Variants in SENP5 observed in about 807,000 individuals in gnomAD.
SENP5 encodes the protein SUMO specific peptidase 5, also known as sentrin-specific protease 5.
In SENP5, 21 loss-of-function variants were observed where a neutral mutation model predicts 74.2. That is an observed-to-expected ratio of 0.28 (90% CI 0.20 to 0.41). The LOEUF (loss-of-function observed/expected upper bound fraction) is 0.41. SENP5 is among the 10% of genes least tolerant of loss of function. The pLI, the probability that SENP5 is intolerant of heterozygous loss-of-function variation, is 1.00. For synonymous variants in SENP5, 311 were observed against 312.7 expected (o/e 0.99, Z 0.06); for missense variants, 717 against 889.1 (o/e 0.81, Z 2.46).
In SENP5 at chr3:196,933,013, G is replaced by GTTTTGTTTTTTTT. The variant is rs1716096218; in HGVS notation, c.*2094_*2095insGTTTTTTTTTTTT. ...GGCTTAGACTAAATGTTGAGTTTGG[G>GTTTTGTTTTTTTT]TTTTTTGTTTTTTTTTTTTTTTGAG... is the stretch of plus-strand genomic sequence containing the variant. On this transcript the variant is annotated 3_prime_UTR_variant, in exon 10 of 10. Transcript: ENST00000323460. 1 of 112,182 alleles carries GTTTTGTTTTTTTT rather than the reference G, an allele frequency of 8.9e-6. No homozygotes were observed. Among genetic ancestry groups the GTTTTGTTTTTTTT allele is most frequent in the African/African-American group, 3.6e-5 (1 of 28,138 alleles). The allele number at this position is 112,182 out of a possible 1,614,324, so 6.9% of individuals were successfully genotyped here.
chr3:196,899,095 A>C (rs1157835476), intron 2 of SENP5, among the ~76,000 whole-genome samples: 2 of 151,682 alleles, frequency 1.3e-5, no homozygotes, highest in Non-Finnish European at 2.9e-5. Context: ...AAAAAAAAAA[A>C]AGTGCCTCAC....
At chr3:196,875,490 C>T (rs993868881) in intron 1 of SENP5, among the ~76,000 whole-genome samples, 2 of 152,104 alleles carry the variant, frequency 1.3e-5, no homozygotes, top group South Asian at 2.1e-4. Context: ...GTGTCAGCAT[C>T]GTGAATTTAG....
At chr3:196,925,024 G>A (rs547220615) in intron 7 of SENP5, among the ~76,000 whole-genome samples, 53 of 152,222 alleles carry the variant, frequency 3.5e-4, no homozygotes, top group African/African-American at 1.2e-3. Flanking sequence ...AATACATGCA[G>A]GTGTATGTGT....
chr3:196,893,890 A>G (rs1405389713), intron 2 of SENP5, among the ~76,000 whole-genome samples: 1 of 148,210 alleles, frequency 6.7e-6, no homozygotes, highest in African/African-American at 2.5e-5. Flanking sequence ...AGCCTGGGTG[A>G]CAGAGTGAGA....
At chr3:196,899,894 A>G (rs758883012) in intron 3 of SENP5, 30 bp from the exon 4 acceptor site, 13 of 1,604,978 alleles carry the variant, frequency 8.1e-6, no homozygotes, top group Middle Eastern at 1.7e-4. Context: ...TGTTTTTTTT[A>G]CCTTTTGTTT....
intron 1 of SENP5, among the ~76,000 whole-genome samples, chr3:196,870,276 T>C (rs1395314258): frequency 6.6e-6 from 1 of 152,174 alleles, no homozygotes; most frequent in African/African-American, 2.4e-5. Flanking sequence ...GGTGAAACCC[T>C]TGTGACTTTT....
chr3:196,884,413 TCAGG>T (rs1359972875), intron 1 of SENP5, among the ~76,000 whole-genome samples: 1 of 152,196 alleles, frequency 6.6e-6, no homozygotes, highest in Non-Finnish European at 1.5e-5. Context: ...TAACTTCCCC[TCAGG>T]ATTTAATAAA....
At position 196,885,651 on chromosome 3, in the gene SENP5, C is replaced by G. The variant is rs767642029; in HGVS notation, c.470C>G (p.Pro157Arg). Residue 157 changes from proline (P) to arginine (R), a missense_variant, in exon 2 of 10, where the codon CCT becomes CGT. This residue lies in a region of SENP5 where 567 missense variants were observed against 577.4 expected (regional missense o/e 0.98). Coordinates refer to ENST00000323460, the MANE Select transcript of SENP5 (RefSeq NM_152699.5). Reference sequence around the variant, plus strand: ...TTAGGTCAGGCCAATGGTCACAGACCTAGGACAGACCCACAACCTTCTGAC... The same window carrying G: ...TTAGGTCAGGCCAATGGTCACAGACGTAGGACAGACCCACAACCTTCTGAC... ...SALGQANGHR[P>R]RTDPQPSDFP... The G allele has an allele frequency of 2.5e-6, 4 of 1,614,050 alleles. No homozygotes were observed. Among genetic ancestry groups the G allele is most frequent in the African/African-American group, 1.3e-5 (1 of 74,922 alleles).
chr3:196,911,738 A>T (rs934090518), intron 6 of SENP5, among the ~76,000 whole-genome samples: 8 of 152,122 alleles, frequency 5.3e-5, no homozygotes, highest in Non-Finnish European at 1.2e-4. Flanking sequence ...TGAACCTGAG[A>T]GGCAGAGGTT....
Position 196,879,469 on chromosome 3 carries a change from A to G in SENP5, c.-31-5682A>G, listed in dbSNP as rs539522380. ...GTTTCTCCTTTATTTGCTTTCATACACTTTAGAAATTCTATCAGGATCACA... is the reference window on the plus strand; with the variant it reads ...GTTTCTCCTTTATTTGCTTTCATACGCTTTAGAAATTCTATCAGGATCACA... On this transcript the variant is annotated intron_variant, in intron 1 of 9. Transcript: ENST00000323460. 3.9e-5 allele frequency among the ~76,000 whole-genome samples: 6 copies of G among 152,220 alleles called. No individual in the cohort carries two copies. The South Asian group carries it at 1.2e-3, about 32-fold the overall frequency.
At chr3:196,879,260 G>C (rs572914368) in intron 1 of SENP5, among the ~76,000 whole-genome samples, 71 of 152,312 alleles carry the variant, frequency 4.7e-4, no homozygotes, top group Non-Finnish European at 7.3e-4. Flanking sequence ...GGTTAGATCA[G>C]TGTTTAGCTT....
chr3:196,908,747 C>T (rs930700542), intron 6 of SENP5, among the ~76,000 whole-genome samples: 3 of 152,050 alleles, frequency 2.0e-5, no homozygotes, highest in East Asian at 1.9e-4. Context: ...CACTTGAACC[C>T]GGGAGGTGGA....
chr3:196,894,418 C>T (rs941577406), intron 2 of SENP5, among the ~76,000 whole-genome samples: 7 of 151,816 alleles, frequency 4.6e-5, no homozygotes, highest in South Asian at 2.1e-4. Flanking sequence ...CTACTGCCCC[C>T]GGCCTAATGT....
chr3:196,889,799 G>A (rs1322258491), intron 2 of SENP5, among the ~76,000 whole-genome samples: 2 of 152,222 alleles, frequency 1.3e-5, no homozygotes, highest in African/African-American at 4.8e-5. Flanking sequence ...GTCCAGGCGG[G>A]CAGAAGGAAG....
chr3:196,929,434 A>G, intron 8 of SENP5, 199 bp from the exon 9 acceptor site: 1 of 512,272 alleles, frequency 2.0e-6, no homozygotes, highest in East Asian at 3.6e-5. Flanking sequence ...TGTCCTATAA[A>G]TTGGGGTTGC....
At chr3:196,923,146 C>T (rs556969417) in intron 6 of SENP5, among the ~76,000 whole-genome samples, 31 of 152,164 alleles carry the variant, frequency 2.0e-4, no homozygotes, top group Admixed American at 1.8e-3. Context: ...AACAAGGAGC[C>T]AAGTCTTCAG....
Position 196,886,188 on chromosome 3 carries a change from A to G in SENP5, c.1007A>G (p.Lys336Arg), listed in dbSNP as rs767881509. ...CHTKGSSFLG[K>R]ELSLDEAFPD... ...ACTAAAGGAAGCTCTTTCTTGGGCAAGGAGCTTAGTTTAGACGAAGCATTC... is the reference window on the plus strand; with the variant it reads ...ACTAAAGGAAGCTCTTTCTTGGGCAGGGAGCTTAGTTTAGACGAAGCATTC... Residue 336 changes from lysine (K) to arginine (R), a missense_variant, in exon 2 of 10, where the codon AAG becomes AGG. Coordinates refer to ENST00000323460, the MANE Select transcript of SENP5 (RefSeq NM_152699.5). 1.9e-6 allele frequency: 3 copies of G among 1,614,212 alleles called. No individual in the cohort carries two copies. Among genetic ancestry groups the G allele is most frequent in the South Asian group, 2.2e-5 (2 of 91,086 alleles).
At chr3:196,910,335 CTTTTTTTT>C (rs869108574) in intron 6 of SENP5, among the ~76,000 whole-genome samples, 2 of 51,370 alleles carry the variant, frequency 3.9e-5, no homozygotes, top group Non-Finnish European at 6.4e-5. Flanking sequence ...CCAAAGTAAT[CTTTTTTTT>C]TTTTTTTTTT....
intron 2 of SENP5, among the ~76,000 whole-genome samples, chr3:196,897,359 A>C (rs1714485664): frequency 6.6e-6 from 1 of 152,216 alleles, no homozygotes; most frequent in Non-Finnish European, 1.5e-5. Context: ...CCTAGATTAG[A>C]AGCCCCAAAT....
Sources: allele counts gnomAD v4.1 joint callset (sites outside exome capture counted in the v4.1 genomes callset), GRCh38; gene constraint gnomAD v4.1.1; regional missense constraint gnomAD v4.1.1; transcripts MANE v1.5; gene names NCBI Gene and HGNC (gene_info 2026-07-23, HGNC 2026-07-21).